The following GRM4 variants were observed in gnomAD, a reference collection of about 807,000 sequenced individuals.
GRM4 encodes the protein glutamate metabotropic receptor 4.
GRM4 carries 28 observed loss-of-function variants against 81.7 expected under a neutral mutation model. That is an observed-to-expected ratio of 0.34 (90% CI 0.25 to 0.47). The LOEUF (loss-of-function observed/expected upper bound fraction) is 0.47. Ranked by LOEUF, GRM4 falls within the 20% of genes least tolerant of loss-of-function variation. GRM4 has a pLI of 1.00. For missense variants in GRM4, 948 were observed against 1,290.0 expected, an observed-to-expected ratio of 0.73 and a Z score of 4.06; for synonymous variants, 488 against 528.8, an observed-to-expected ratio of 0.92 and a Z score of 1.06.
chr6:34,137,801 G>T (rs988403639), intron 1 of GRM4, among the ~76,000 whole-genome samples: 4 of 116,806 alleles, frequency 3.4e-5, no homozygotes, highest in South Asian at 2.7e-4. Context: ...TATGTCGCTT[G>T]CCCAGGCTGG....
At chr6:34,134,222 C>G (rs1422678740) in intron 1 of GRM4, among the ~76,000 whole-genome samples, 3 of 152,124 alleles carry the variant, frequency 2.0e-5, no homozygotes, top group African/African-American at 7.2e-5. Flanking sequence ...TGGGCCCAAT[C>G]CCATTACAGA....
intron 3 of GRM4, among the ~76,000 whole-genome samples, chr6:34,067,600 T>C (rs199701229): frequency 4.4e-5 from 5 of 112,854 alleles, no homozygotes; most frequent in Non-Finnish European, 5.1e-5. Flanking sequence ...CTCCCTTTCT[T>C]CCTCCCTTCA....
rs1303920159 is a variant in GRM4 at position 34,146,034 on chromosome 6, G to A, written c.-398C>T. 1 of 985,136 alleles carries A rather than the reference G, an allele frequency of 1.0e-6. No homozygotes were observed. The highest frequency in any genetic ancestry group is 6.1e-5 in the Admixed American group (1 of 16,266). The allele number at this position is 985,136 out of a possible 1,614,324, so 61.0% of individuals were successfully genotyped here. A position where few individuals can be genotyped will look rare whatever the true frequency, so the allele number is the denominator to read the frequency against. On this transcript the variant is annotated 5_prime_UTR_variant, in exon 1 of 11. Coordinates refer to ENST00000538487, the MANE Select transcript of GRM4 (RefSeq NM_000841.4). ...ATGGCGGGGACCCCTTCTCACCCCA[G>A]AGGGGGAGGGTCAGGAACATAGCCT...
intron 2 of GRM4, among the ~76,000 whole-genome samples, chr6:34,095,078 A>C (rs1768446461): frequency 6.6e-6 from 1 of 152,200 alleles, no homozygotes; most frequent in Admixed American, 6.5e-5. Context: ...ATTCTCCCAG[A>C]GGGTGGGGGG....
Position 34,130,076 on chromosome 6 carries a change from T to C in GRM4, c.519+2902A>G, listed in dbSNP as rs1049703348. On this transcript the variant is annotated intron_variant, in intron 2 of 10. Transcript: ENST00000538487. The surrounding 1 kb of genome is among the most constrained non-coding windows in gnomAD (Gnocchi z 4.1). ...GGCGCAGGTCCCCTCCCCCAAGGCA[T>C]CCCTCCCTCACCCTCTCCTTCCCGA... 1.3e-5 allele frequency among the ~76,000 whole-genome samples: 2 copies of C among 152,092 alleles called. No homozygotes were observed. The highest frequency in any genetic ancestry group is 3.9e-4 in the East Asian group (2 of 5,182).
At chr6:34,058,856 A>G in intron 5 of GRM4, 118 bp downstream of exon 5, 1 of 792,862 alleles carries the variant, frequency 1.3e-6, no homozygotes, top group Admixed American at 2.5e-5. Context: ...CTGTGGGCCA[A>G]GGAAGAGAAA....
intron 3 of GRM4, chr6:34,062,924 G>C (rs1201409151): frequency 6.6e-6 from 1 of 152,210 alleles, no homozygotes; most frequent in Non-Finnish European, 1.5e-5. Context: ...TGACGGATGA[G>C]GAAACTGAAG....
rs753261758 is a variant in GRM4 at position 34,035,850 on chromosome 6, T to C, written c.2260A>G (p.Ile754Val). 6.2e-7 allele frequency: 1 copy of C among 1,612,360 alleles called. No individual in the cohort carries two copies. The highest frequency in any genetic ancestry group is 8.5e-7 in the Non-Finnish European group (1 of 1,178,550). The change falls in exon 9 of 11, where the codon ATC becomes GTC. Residue 754 changes from isoleucine to valine, a missense_variant. Coordinates refer to ENST00000538487, the MANE Select transcript of GRM4 (RefSeq NM_000841.4). This position sits in a 1 kb window ranked among gnomAD's most constrained non-coding sequence, Gnocchi z 6.6. ...AGCATGCTGTAGCCCAGCAGGCAGA[T>C]GAGCGACAGGTCCGAGATGTCACAC... is the stretch of plus-strand genomic sequence containing the variant. ...LKCDISDLSL[I>V]CLLGYSMLLM...
chr6:34,074,263 C>G lies in GRM4; in HGVS notation c.737-12235G>C, dbSNP rs148559033. The stretch of plus-strand genomic sequence containing the variant: ...TGATGAAAGCCACGTTGCCCACTCT[C>G]CAACCCTCCATTTCCCCATCTGTGA... On this transcript the variant is annotated intron_variant, in intron 3 of 10. Coordinates refer to ENST00000538487, the MANE Select transcript of GRM4 (RefSeq NM_000841.4). This position sits in a 1 kb window ranked among gnomAD's most constrained non-coding sequence, Gnocchi z 4.9. Among the ~76,000 whole-genome samples, 53 of 152,362 alleles carry G rather than the reference C, an allele frequency of 3.5e-4. No homozygotes were observed. The highest frequency in any genetic ancestry group is 1.3e-3 in the African/African-American group (52 of 41,582).
rs891376473 is a variant in GRM4 at position 34,020,764 on chromosome 6, C to T, written c.*2057G>A. The T allele has an allele frequency of 2.6e-5, 4 of 152,244 alleles. No homozygotes were observed. Among genetic ancestry groups the T allele is most frequent in the African/African-American group, 9.7e-5 (4 of 41,434 alleles). The allele number at this position is 152,244 out of a possible 1,614,324, so 9.4% of individuals were successfully genotyped here. On this transcript the variant is annotated 3_prime_UTR_variant, in exon 11 of 11. Coordinates refer to ENST00000538487, the MANE Select transcript of GRM4 (RefSeq NM_000841.4). ...ACAGACCCCAGGGAAGAAGAGATTTCCTATGCACAGATGTGTGAGATGCCC... is the reference window on the plus strand; with the variant it reads ...ACAGACCCCAGGGAAGAAGAGATTTTCTATGCACAGATGTGTGAGATGCCC...
At chr6:34,077,098 G>A (rs1283473172) in intron 3 of GRM4, among the ~76,000 whole-genome samples, 2 of 152,106 alleles carry the variant, frequency 1.3e-5, no homozygotes, top group Non-Finnish European at 2.9e-5. Context: ...TTCACAGTGT[G>A]GGACTGTCCC....
intron 2 of GRM4, chr6:34,110,624 T>TC (rs1769334595): frequency 1.0e-6 from 1 of 952,534 alleles, no homozygotes; most frequent in South Asian, 1.4e-5. Flanking sequence ...GCAGCCCTGC[T>TC]CCCTACCCCC....
intron 3 of GRM4, among the ~76,000 whole-genome samples, chr6:34,067,531 T>TTTC (rs1240035492): frequency 5.6e-5 from 8 of 142,180 alleles, no homozygotes; most frequent in Non-Finnish European, 9.2e-5. Context: ...CCTCCCTCCC[T>TTTC]TTCTTCCTCC....
At chr6:34,040,040 A>G (rs1764919059) in intron 8 of GRM4, 138 bp downstream of exon 8, 2 of 794,278 alleles carry the variant, frequency 2.5e-6, no homozygotes, top group Non-Finnish European at 4.2e-6. Context: ...GGGAGAGGGC[A>G]CTGGGAAGGA....
rs902310682 is a variant in GRM4, at chr6:34,023,609, C to T, written c.2690-739G>A. 6.6e-5 allele frequency among the ~76,000 whole-genome samples: 10 copies of T among 152,158 alleles called. No homozygotes were observed. The East Asian group carries it at 1.4e-3, about 21-fold the overall frequency. On this transcript the variant is annotated intron_variant, in intron 10 of 10. Transcript: ENST00000538487. ...CTGTCTCTCTCAGTCTTGAGCCCCC[C>T]TTTTCTGCCCCTGTCCCTCTGGCCC...
chr6:34,105,644 G>C (rs1168981957), intron 2 of GRM4, among the ~76,000 whole-genome samples: 1 of 152,048 alleles, frequency 6.6e-6, no homozygotes, highest in Non-Finnish European at 1.5e-5. Flanking sequence ...CTTCTCAGGG[G>C]TTCACCAGAT....
chr6:34,136,283 T>C lies in GRM4; in HGVS notation c.-363-2424A>G, dbSNP rs889503052. Among the ~76,000 whole-genome samples, 1 of 152,136 alleles carries C rather than the reference T, an allele frequency of 6.6e-6. No homozygotes were observed. The highest frequency in any genetic ancestry group is 1.5e-5 in the Non-Finnish European group (1 of 68,006). ...TGTGCAGGCTGCCCGTGCCCCTGGC[T>C]GCTCCTCTGTGCTGGCCCAGAGGAT... On this transcript the variant is annotated intron_variant, in intron 1 of 10. Transcript: ENST00000538487. The surrounding 1 kb of genome is among the most constrained non-coding windows in gnomAD (Gnocchi z 4.1).
Position 34,089,613 on chromosome 6 carries a change from C to T in GRM4, c.736+2270G>A, listed in dbSNP as rs1188421034. ...GTGGCAGGTATTGTGAGGGGCGCCT[C>T]TGCCAGGACAGGAGTGCCCCGAGCT... On this transcript the variant is annotated intron_variant, in intron 3 of 10. Coordinates refer to ENST00000538487, the MANE Select transcript of GRM4 (RefSeq NM_000841.4). The surrounding 1 kb of genome is among the most constrained non-coding windows in gnomAD (Gnocchi z 4.3). Among the ~76,000 whole-genome samples, 3 of 152,214 alleles carry T rather than the reference C, an allele frequency of 2.0e-5. No homozygotes were observed. Among genetic ancestry groups the T allele is most frequent in the Admixed American group, 6.5e-5 (1 of 15,296 alleles).
At chr6:34,030,889 G>A (rs1279409634) in intron 9 of GRM4, among the ~76,000 whole-genome samples, 1 of 152,208 alleles carries the variant, frequency 6.6e-6, no homozygotes, top group Non-Finnish European at 1.5e-5. Context: ...GGCCCTGGGG[G>A]CTCCTCTAGC....
Sources: allele counts gnomAD v4.1 joint callset (sites outside exome capture counted in the v4.1 genomes callset), GRCh38; gene constraint gnomAD v4.1.1; non-coding constraint Gnocchi (gnomAD v3.1); transcripts MANE v1.5; gene names NCBI Gene and HGNC (gene_info 2026-07-23, HGNC 2026-07-21).